Variants in MIA3 observed in about 807,000 individuals in gnomAD.
The protein encoded by MIA3 is MIA SH3 domain ER export factor 3.
In MIA3, 90 loss-of-function variants were observed where a neutral mutation model predicts 192.4. That is an observed-to-expected ratio of 0.47 (90% CI 0.39 to 0.56). MIA3 has a LOEUF of 0.56. Among genes scored for constraint, MIA3 ranks in the 20% least tolerant of loss-of-function variants. The pLI is 0.00. For synonymous variants in MIA3, 740 were observed against 792.8 expected (o/e 0.93, Z 1.12); for missense variants, 2,123 against 2,269.4 (o/e 0.94, Z 1.31).
chr1:222,636,506 C>CTTTTT (rs34208115), intron 6 of MIA3, among the ~76,000 whole-genome samples: 9 of 74,016 alleles, frequency 1.2e-4, no homozygotes, highest in Admixed American at 1.6e-4. Flanking sequence ...TAGTGTCCAT[C>CTTTTT]TTTTTTTTTT....
chr1:222,629,928 C>A lies in MIA3; in HGVS notation c.2708C>A (p.Ser903Ter). ...GSAAAEPEDD[S>*]FHWTPHTSVE... ...GCTGCTGCAGAACCTGAAGATGACT[C>A]GTTCCACTGGACTCCACATACAAGT... The change falls in exon 4 of 28, where the codon TCG (serine) becomes TAG (stop). Residue 903 changes from serine (S) to a stop codon, truncating the protein, a stop_gained. Coordinates refer to ENST00000344922, the MANE Select transcript of MIA3 (RefSeq NM_198551.4). LOFTEE classifies it high-confidence loss of function. The A allele has an allele frequency of 6.2e-7, 1 of 1,614,082 alleles. No homozygotes were observed. The highest frequency in any genetic ancestry group is 1.1e-5 in the South Asian group (1 of 91,080).
chr1:222,625,544 G>A (rs1662074852), intron 3 of MIA3, among the ~76,000 whole-genome samples: 1 of 152,078 alleles, frequency 6.6e-6, no homozygotes, highest in Non-Finnish European at 1.5e-5. Context: ...ACTTACAAAG[G>A]TTTTCTTATT....
chr1:222,658,970 G>T, intron 19 of MIA3, 147 bp downstream of exon 19: 4 of 527,934 alleles, frequency 7.6e-6, no homozygotes, highest in East Asian at 3.6e-5. Flanking sequence ...TTAACAAATG[G>T]AAAAATATTA....
At chr1:222,630,703 G>A (rs1031080223) in intron 4 of MIA3, among the ~76,000 whole-genome samples, 18 of 152,152 alleles carry the variant, frequency 1.2e-4, no homozygotes, top group African/African-American at 3.9e-4. Flanking sequence ...ATTATGAAAG[G>A]GTTTTATTGA....
intron 6 of MIA3, among the ~76,000 whole-genome samples, chr1:222,633,850 TTTC>T (rs1662513428): frequency 6.6e-6 from 1 of 151,884 alleles, no homozygotes; most frequent in African/African-American, 2.4e-5. Context: ...GTTTTTTCTT[TTTC>T]TTTTTTTTTT....
intron 6 of MIA3, chr1:222,644,361 A>G (rs925222626): frequency 6.7e-7 from 1 of 1,501,110 alleles, no homozygotes; most frequent in Non-Finnish European, 8.9e-7. Context: ...GGCGAAGTTC[A>G]ATCCCAGAGT....
rs186036093 is a variant in MIA3 at position 222,646,759 on chromosome 1, T to C, written c.3609+1074T>C. On this transcript the variant is annotated intron_variant, in intron 7 of 27. Coordinates refer to ENST00000344922, the MANE Select transcript of MIA3 (RefSeq NM_198551.4). ...AAAAAAAAGTTTTAAATATCTTACATGAGAGCATTCAGTAGAACAGTATTT... is the reference window on the plus strand; with the variant it reads ...AAAAAAAAGTTTTAAATATCTTACACGAGAGCATTCAGTAGAACAGTATTT... Among the ~76,000 whole-genome samples, 260 of 152,324 alleles carry C rather than the reference T, an allele frequency of 1.7e-3. 4 individuals carry two copies. In the Middle Eastern group the frequency reaches 0.02, roughly 12 times the overall value.
Position 222,629,599 on chromosome 1 carries a change from G to T in MIA3, c.2379G>T (p.Glu793Asp). ...TTTTGGATAGCGAAAAAACAAGTGA[G>T]ACTGCTGCCAAAGGGGTCAACACAG... ...SMILDSEKTS[E>D]TAAKGVNTGG... The change falls in exon 4 of 28, where the codon GAG (glutamate) becomes GAT (aspartate). Residue 793 changes from glutamate to aspartate, a missense_variant. Transcript: ENST00000344922. 3.7e-6 allele frequency: 6 copies of T among 1,614,024 alleles called. No individual in the cohort carries two copies. The highest frequency in any genetic ancestry group is 4.2e-6 in the Non-Finnish European group (5 of 1,179,968).
intron 14 of MIA3, 35 bp downstream of exon 14, chr1:222,653,165 T>C: frequency 6.3e-7 from 1 of 1,595,688 alleles, no homozygotes; most frequent in East Asian, 2.3e-5. Flanking sequence ...TTAATTCTTG[T>C]GAATTATCAA....
At chr1:222,650,529 T>C (rs1195972704) in intron 9 of MIA3, 105 bp from the exon 10 acceptor site, 3 of 891,076 alleles carry the variant, frequency 3.4e-6, no homozygotes, top group African/African-American at 1.7e-5. Context: ...AGCAGTCATA[T>C]GTGTAAAGTA....
chr1:222,662,430 G>C (rs1190884044), intron 26 of MIA3, 98 bp downstream of exon 26: 1 of 1,576,026 alleles, frequency 6.3e-7, no homozygotes, highest in African/African-American at 1.4e-5. Flanking sequence ...TGTTCTATCT[G>C]TACTATCTCA....
In MIA3 at chr1:222,664,007, G is replaced by C. The variant is rs1407785146; in HGVS notation, c.5272G>C (p.Ala1758Pro). ...TGTTTCTACTCTGCAGGTTAATATGGCTCCAAAAGGGCCCCCTCCTTTCCC... is the reference window on the plus strand; with the variant it reads ...TGTTTCTACTCTGCAGGTTAATATGCCTCCAAAAGGGCCCCCTCCTTTCCC... The part of the protein sequence containing the change: ...RVLDEGKVNM[A>P]PKGPPPFPGV... The change falls in exon 27 of 28, where the codon GCT becomes CCT. Residue 1758 changes from alanine (A) to proline (P), a missense_variant. Around this residue, in one of 3 missense-constraint regions of MIA3, gnomAD observed 762 missense variants for 856.4 expected, o/e 0.89. Coordinates refer to ENST00000344922, the MANE Select transcript of MIA3 (RefSeq NM_198551.4). The C allele has an allele frequency of 2.5e-6, 4 of 1,613,162 alleles. No individual in the cohort carries two copies. Among genetic ancestry groups the C allele is most frequent in the Non-Finnish European group, 3.4e-6 (4 of 1,179,526 alleles).
chr1:222,629,079 A>G lies in MIA3; in HGVS notation c.1859A>G (p.Glu620Gly). Residue 620 changes from glutamate (E) to glycine (G), a missense_variant, in exon 4 of 28, where the codon GAG becomes GGG. Around this residue, in one of 3 missense-constraint regions of MIA3, gnomAD observed 1,357 missense variants for 1,396.1 expected, o/e 0.97. Transcript: ENST00000344922. ...SVEHQREELK[E>G]ELVLKTQNQP... ...GAGCATCAACGTGAGGAATTGAAAG[A>G]GGAATTAGTTCTTAAAACTCAAAAC... is the stretch of plus-strand genomic sequence containing the variant. 3 of 1,614,246 alleles carry G rather than the reference A, an allele frequency of 1.9e-6. No individual in the cohort carries two copies. The highest frequency in any genetic ancestry group is 2.5e-6 in the Non-Finnish European group (3 of 1,180,042).
chr1:222,661,977 G>A (rs993251233), intron 24 of MIA3, 79 bp from the exon 25 acceptor site: 44 of 1,132,684 alleles, frequency 3.9e-5, no homozygotes, highest in Non-Finnish European at 5.5e-5. Flanking sequence ...TTCCAGATAA[G>A]ACTTGAACCC....
chr1:222,634,929 G>C (rs1320514075), intron 6 of MIA3, among the ~76,000 whole-genome samples: 1 of 152,146 alleles, frequency 6.6e-6, no homozygotes, highest in East Asian at 1.9e-4. Flanking sequence ...CCAATTGTTG[G>C]TAAGAATTAA....
intron 18 of MIA3, among the ~76,000 whole-genome samples, chr1:222,656,871 T>C (rs1448512557): frequency 6.6e-6 from 1 of 152,248 alleles, no homozygotes; most frequent in Non-Finnish European, 1.5e-5. Context: ...TTGGTTTCAC[T>C]ATTTTTCACT....
chr1:222,641,922 A>G lies in MIA3; in HGVS notation c.3478-3632A>G, dbSNP rs186228798. ...ATATCTATCTATAGATGACAGATAA[A>G]CAGATTATGGCATACCCATACAATG... On this transcript the variant is annotated intron_variant, in intron 6 of 27. Coordinates refer to ENST00000344922, the MANE Select transcript of MIA3 (RefSeq NM_198551.4). 4.3e-5 allele frequency: 18 copies of G among 416,660 alleles called. No individual in the cohort carries two copies. The East Asian group carries it at 1.2e-3, about 28-fold the overall frequency. The allele number at this position is 416,660 out of a possible 1,614,324, so 25.8% of individuals were successfully genotyped here.
At position 222,627,855 on chromosome 1, in the gene MIA3, A is replaced by T. The variant is rs1417738646; in HGVS notation, c.635A>T (p.His212Leu). 8 of 1,614,084 alleles carry T rather than the reference A, an allele frequency of 5.0e-6. No individual in the cohort carries two copies. The highest frequency in any genetic ancestry group is 6.8e-6 in the Non-Finnish European group (8 of 1,180,032). ...TTTACAACTCAGAAGCACCACTCCC[A>T]TGCAAACAGCCAAGCAAATCATGCT... The part of the protein sequence containing the change: ...EQFTTQKHHS[H>L]ANSQANHAQG... The change falls in exon 4 of 28, where the codon CAT becomes CTT. Residue 212 changes from histidine to leucine, a missense_variant. Around this residue, in one of 3 missense-constraint regions of MIA3, gnomAD observed 1,357 missense variants for 1,396.1 expected, o/e 0.97. Coordinates refer to ENST00000344922, the MANE Select transcript of MIA3 (RefSeq NM_198551.4).
Position 222,658,762 on chromosome 1 carries a change from C to G in MIA3, c.4648C>G (p.His1550Asp). ...QEEYERQERE[H>D]RLSAADEKAV... is the part of the protein sequence containing the mutation. ...AGAGTATGAACGGCAAGAAAGAGAG[C>G]ACAGGCTGTCAGCTGCAGATGAAAA... The change falls in exon 19 of 28, where the codon CAC becomes GAC. Residue 1550 changes from histidine (H) to aspartate (D), a missense_variant. Physicochemically the swap from His to Asp is moderately conservative, Grantham distance 81. This residue lies in a region of MIA3 where 762 missense variants were observed against 856.4 expected (regional missense o/e 0.89). Transcript: ENST00000344922. The G allele has an allele frequency of 1.2e-6, 2 of 1,612,688 alleles. No homozygotes were observed. The highest frequency in any genetic ancestry group is 1.7e-6 in the Non-Finnish European group (2 of 1,179,396).
Sources: gnomAD v4.1 joint callset for allele counts (sites outside exome capture counted in the v4.1 genomes callset) on GRCh38, gnomAD v4.1.1 for gene constraint, gnomAD v4.1.1 regional missense constraint, MANE v1.5 for transcripts, NCBI Gene and HGNC (gene_info 2026-07-23, HGNC 2026-07-21) for gene names.